Variants in FAM107B observed in about 807,000 individuals in gnomAD.
The protein encoded by FAM107B is protein FAM107B.
FAM107B carries 21 observed loss-of-function variants against 31.5 expected under a neutral mutation model. That is an observed-to-expected ratio of 0.67 (90% CI 0.47 to 0.96). FAM107B has a LOEUF of 0.96. Among genes scored for constraint, FAM107B ranks in the 40% least tolerant of loss-of-function variants. The probability of loss-of-function intolerance (pLI) is 0.00; values close to 1 mark genes in which losing one functional copy is unlikely to be tolerated. For missense variants in FAM107B, 452 were observed against 377.1 expected (o/e 1.20, Z -1.64); for synonymous variants, 157 against 141.5 (o/e 1.11, Z -0.78).
intron 1 of FAM107B, among the ~76,000 whole-genome samples, chr10:14,738,412 T>G (rs980718698): frequency 6.6e-6 from 1 of 152,188 alleles, no homozygotes; most frequent in South Asian, 2.1e-4. Context: ...GTGTAACTGA[T>G]AGTTGTCTTG....
intron 2 of FAM107B, among the ~76,000 whole-genome samples, chr10:14,623,356 G>A (rs370248679): frequency 2.0e-5 from 3 of 152,182 alleles, no homozygotes; most frequent in African/African-American, 7.2e-5. Flanking sequence ...TCTTTCATCA[G>A]GAATTTAGGT....
chr10:14,726,319 A>C (rs1314948677), intron 1 of FAM107B, among the ~76,000 whole-genome samples: 1 of 152,148 alleles, frequency 6.6e-6, no homozygotes. Flanking sequence ...GGGGAAAATG[A>C]ACACATAAAA....
intron 2 of FAM107B, among the ~76,000 whole-genome samples, chr10:14,642,303 T>C (rs979065499): frequency 1.3e-5 from 2 of 152,198 alleles, no homozygotes; most frequent in Non-Finnish European, 2.9e-5. Flanking sequence ...CTGGGTCTTG[T>C]CAGAAGGCTG....
intron 2 of FAM107B, among the ~76,000 whole-genome samples, chr10:14,552,756 G>C (rs1849374848): frequency 6.6e-6 from 1 of 152,076 alleles, no homozygotes; most frequent in Non-Finnish European, 1.5e-5. Context: ...TTGAACCCGG[G>C]AGATGGAAGG....
chr10:14,548,773 G>T, intron 2 of FAM107B: 1 of 397,294 alleles, frequency 2.5e-6, no homozygotes, highest in Non-Finnish European at 3.4e-6. Flanking sequence ...AGAGGGGATG[G>T]CAACGGCTGT....
At chr10:14,559,976 T>C (rs1474713953) in intron 2 of FAM107B, among the ~76,000 whole-genome samples, 2 of 152,162 alleles carry the variant, frequency 1.3e-5, no homozygotes, top group African/African-American at 4.8e-5. Context: ...CCTAATTCTT[T>C]CCATTTTCAT....
intron 1 of FAM107B, among the ~76,000 whole-genome samples, chr10:14,730,457 C>T (rs1564277342): frequency 6.6e-6 from 1 of 152,186 alleles, no homozygotes; most frequent in East Asian, 1.9e-4. Flanking sequence ...CACATAGGAG[C>T]AAGAGCATTA....
At chr10:14,757,193 C>T (rs1357735181) in intron 1 of FAM107B, among the ~76,000 whole-genome samples, 3 of 151,978 alleles carry the variant, frequency 2.0e-5, no homozygotes, top group African/African-American at 2.4e-5. Context: ...TTTTTTAAAA[C>T]CAACCAAACA....
intron 1 of FAM107B, among the ~76,000 whole-genome samples, chr10:14,676,237 C>T (rs899031623): frequency 1.5e-4 from 23 of 152,038 alleles, no homozygotes; most frequent in Admixed American, 1.0e-3. Context: ...TATGAATAGT[C>T]TGTTACTGGA....
At chr10:14,764,325 G>A (rs949419307) in intron 1 of FAM107B, among the ~76,000 whole-genome samples, 2 of 152,122 alleles carry the variant, frequency 1.3e-5, no homozygotes, top group African/African-American at 4.8e-5. Context: ...CTCATTTGCC[G>A]GGAAGTTTCT....
At position 14,692,024 on chromosome 10, in the gene FAM107B, T is replaced by C. The variant is rs766970395; in HGVS notation, c.412-24333A>G. On this transcript the variant is annotated intron_variant, in intron 1 of 4. Transcript: ENST00000181796. ...CCTAGGAATAGACAATCCTTGACCA[T>C]GACCAAACGGTGTTTGGTGAAGAAG... Among the ~76,000 whole-genome samples the C allele has an allele frequency of 8.3e-4, 126 of 152,164 alleles. 1 individual carries two copies. Among genetic ancestry groups the C allele is most frequent in the Admixed American group, 2.3e-3 (35 of 15,286 alleles).
At chr10:14,687,441 T>C (rs1433043483) in intron 1 of FAM107B, among the ~76,000 whole-genome samples, 3 of 152,224 alleles carry the variant, frequency 2.0e-5, no homozygotes, top group South Asian at 4.1e-4. Context: ...TATGTATCTT[T>C]AGAATTTTCT....
intron 1 of FAM107B, among the ~76,000 whole-genome samples, chr10:14,717,568 C>A (rs981818150): frequency 6.6e-6 from 1 of 152,168 alleles, no homozygotes; most frequent in Admixed American, 6.5e-5. Flanking sequence ...GGAGGGGAAG[C>A]AAACATCTGG....
At chr10:14,573,654 G>C (rs1851368090) in intron 2 of FAM107B, among the ~76,000 whole-genome samples, 1 of 151,788 alleles carries the variant, frequency 6.6e-6, no homozygotes, top group African/African-American at 2.4e-5. Context: ...AGAGGCAGGA[G>C]AATCACATGG....
At chr10:14,634,914 A>G (rs1853458235) in intron 2 of FAM107B, among the ~76,000 whole-genome samples, 1 of 151,942 alleles carries the variant, frequency 6.6e-6, no homozygotes, top group Admixed American at 6.6e-5. Context: ...ACATGGTGAA[A>G]CCCCATCTCT....
intron 2 of FAM107B, among the ~76,000 whole-genome samples, chr10:14,569,435 G>A (rs1851000274): frequency 6.6e-6 from 1 of 151,168 alleles, no homozygotes; most frequent in Non-Finnish European, 1.5e-5. Context: ...ATGCACACAT[G>A]TGTTACGTTA....
intron 1 of FAM107B, among the ~76,000 whole-genome samples, chr10:14,756,769 C>T (rs139193913): frequency 8.3e-4 from 126 of 152,224 alleles, no homozygotes; most frequent in African/African-American, 2.9e-3. Flanking sequence ...CCTAAATGCC[C>T]ATCAATGATA....
chr10:14,600,806 A>AT (rs1374591030), intron 2 of FAM107B, among the ~76,000 whole-genome samples: 1 of 152,018 alleles, frequency 6.6e-6, no homozygotes, highest in Non-Finnish European at 1.5e-5. Flanking sequence ...CTCCCAGCTA[A>AT]TTTTTAAAAA....
At chr10:14,522,274 C>T (rs910478027) in intron 3 of FAM107B, 11 of 466,336 alleles carry the variant, frequency 2.4e-5, no homozygotes, top group Admixed American at 7.7e-5. Context: ...ATGTGCAAGA[C>T]ACTAGGCTAC....
Sources: allele counts gnomAD v4.1 joint callset (sites outside exome capture counted in the v4.1 genomes callset), GRCh38; gene constraint gnomAD v4.1.1; transcripts MANE v1.5; gene names NCBI Gene and HGNC (gene_info 2026-07-23, HGNC 2026-07-21).